Variants in TNFAIP8 observed in about 807,000 individuals in gnomAD.
TNFAIP8 encodes TNF alpha induced protein 8, also known as tumor necrosis factor alpha-induced protein 8.
In TNFAIP8, 7 loss-of-function variants were observed where a neutral mutation model predicts 13.3. That is an observed-to-expected ratio of 0.52 (90% CI 0.30 to 0.99). The LOEUF is 0.99. Among genes scored for constraint, TNFAIP8 ranks in the 50% least tolerant of loss-of-function variants. TNFAIP8 has a pLI of 0.07. For missense variants in TNFAIP8, 258 were observed against 236.9 expected (o/e 1.09, Z -0.58); for synonymous variants, 94 against 87.6 (o/e 1.07, Z -0.41).
intron 1 of TNFAIP8, among the ~76,000 whole-genome samples, chr5:119,359,773 T>A (rs1751565095): frequency 6.6e-6 from 1 of 152,204 alleles, no homozygotes; most frequent in African/African-American, 2.4e-5. Context: ...GCAGAGGGAA[T>A]GAAGAGAAAA....
intron 1 of TNFAIP8, among the ~76,000 whole-genome samples, chr5:119,280,064 T>G (rs1748580797): frequency 6.6e-6 from 1 of 152,152 alleles, no homozygotes; most frequent in Admixed American, 6.5e-5. Context: ...TTGTAAAACA[T>G]AAATATCAAA....
At chr5:119,306,313 T>TC (rs1749556380) in intron 1 of TNFAIP8, 1 of 141,842 alleles carries the variant, frequency 7.1e-6, no homozygotes, top group African/African-American at 3.1e-5. Flanking sequence ...TTTCTTTCTT[T>TC]CTTTCTTTTT....
intron 1 of TNFAIP8, among the ~76,000 whole-genome samples, chr5:119,357,328 C>T (rs187152225): frequency 6.6e-6 from 1 of 152,192 alleles, no homozygotes; most frequent in Admixed American, 6.5e-5. Flanking sequence ...GCTTTCTTGC[C>T]GTGTCCTGTG....
intron 1 of TNFAIP8, among the ~76,000 whole-genome samples, chr5:119,311,688 C>CAAAAAAAAAAAAAAAAAAAA (rs55965350): frequency 2.7e-4 from 18 of 66,658 alleles, no homozygotes; most frequent in African/African-American, 1.1e-3. Flanking sequence ...GACTCCGTCT[C>CAAAAAAAAAAAAAAAAAAAA]AAAAAAAAAA....
intron 1 of TNFAIP8, among the ~76,000 whole-genome samples, chr5:119,375,028 G>A (rs1752231053): frequency 6.6e-6 from 1 of 152,276 alleles, no homozygotes; most frequent in East Asian, 1.9e-4. Context: ...AATGCTTACA[G>A]TGGTGAATTT....
chr5:119,357,050 C>T (rs1751454293), intron 1 of TNFAIP8, among the ~76,000 whole-genome samples: 1 of 152,150 alleles, frequency 6.6e-6, no homozygotes, highest in South Asian at 2.1e-4. Context: ...AGAGGAGCAG[C>T]CCCATCATTT....
At chr5:119,303,910 C>T (rs755517692) in intron 1 of TNFAIP8, among the ~76,000 whole-genome samples, 13 of 152,142 alleles carry the variant, frequency 8.5e-5, no homozygotes, top group Admixed American at 2.0e-4. Context: ...TAAACATACC[C>T]GGTAAGTGAG....
Position 119,395,072 on chromosome 5 carries a change from C to G in TNFAIP8, c.*1691C>G, listed in dbSNP as rs73790856. On this transcript the variant is annotated 3_prime_UTR_variant, in exon 2 of 2. Coordinates refer to ENST00000504771, the MANE Select transcript of TNFAIP8 (RefSeq NM_014350.4). ...TCAGTTTCTCTGACACCCTCATTTG[C>G]TTGGCTAAGACAAGCAGCAAAGGTG... 366 of 152,270 alleles carry G rather than the reference C, an allele frequency of 2.4e-3. 2 individuals are homozygous for G. The highest frequency in any genetic ancestry group is 8.6e-3 in the African/African-American group (356 of 41,546). The allele number at this position is 152,270 out of a possible 1,614,324, so 9.4% of individuals were successfully genotyped here.
chr5:119,387,112 C>A (rs530199014), intron 1 of TNFAIP8, among the ~76,000 whole-genome samples: 1 of 152,104 alleles, frequency 6.6e-6, no homozygotes, highest in Non-Finnish European at 1.5e-5. Flanking sequence ...CTACTCCGAG[C>A]GTTCATTGCT....
chr5:119,326,357 C>T (rs558911005), intron 1 of TNFAIP8, among the ~76,000 whole-genome samples: 1 of 152,304 alleles, frequency 6.6e-6, no homozygotes, highest in South Asian at 2.1e-4. Context: ...TGAAAGGCTC[C>T]ATCTGAGCTG....
intron 1 of TNFAIP8, among the ~76,000 whole-genome samples, chr5:119,384,174 G>A (rs1580446733): frequency 2.6e-5 from 4 of 152,208 alleles, no homozygotes. Context: ...CCTTCCTAGG[G>A]TTGCCGTAAA....
rs567151809 is a variant in TNFAIP8 at position 119,300,443 on chromosome 5, A to G, written c.1+31536A>G. ...TTTAAAAAGTAGACCATCTAAAACA[A>G]ATGTTATTTGTAAAAGCACTGAGTA... On this transcript the variant is annotated intron_variant, in intron 1 of 1. Transcript: ENST00000274456. Among the ~76,000 whole-genome samples the G allele has an allele frequency of 5.3e-5, 8 of 152,282 alleles. No individual in the cohort carries two copies. In the South Asian group the frequency reaches 1.7e-3, roughly 32 times the overall value.
At chr5:119,392,613 A>T (rs534456883) in intron 1 of TNFAIP8, among the ~76,000 whole-genome samples, 1 of 152,182 alleles carries the variant, frequency 6.6e-6, no homozygotes, top group South Asian at 2.1e-4. Context: ...CAGTCTCCCA[A>T]AGTGTTGGGA....
At chr5:119,368,030 C>T (rs527580755) in intron 1 of TNFAIP8, among the ~76,000 whole-genome samples, 1 of 152,246 alleles carries the variant, frequency 6.6e-6, no homozygotes, top group East Asian at 1.9e-4. Flanking sequence ...GTCATCTCCC[C>T]ACTGAGGTAG....
chr5:119,355,942 C>T, upstream of TNFAIP8: 6 of 1,436,274 alleles, frequency 4.2e-6, no homozygotes, highest in African/African-American at 4.4e-5. Context: ...TGCACCAGAA[C>T]CCGCTCTCCC....
rs543738986 is a variant in TNFAIP8, at chr5:119,325,379, ATGG to A, written c.1+56474_1+56476del. On this transcript the variant is annotated intron_variant, in intron 1 of 1. Coordinates refer to the TNFAIP8 transcript ENST00000274456. ...ATATAAACTCCTTACCATGTCCTAT[ATGG>A]TCTACATATTCTGGCCTTTGCCTAA... Among the ~76,000 whole-genome samples the A allele has an allele frequency of 9.3e-4, 141 of 152,322 alleles. 1 individual carries two copies. Among genetic ancestry groups the A allele is most frequent in the Middle Eastern group, 3.4e-3 (1 of 294 alleles).
chr5:119,380,505 C>T (rs1356702728), intron 1 of TNFAIP8, among the ~76,000 whole-genome samples: 1 of 152,236 alleles, frequency 6.6e-6, no homozygotes, highest in East Asian at 1.9e-4. Flanking sequence ...TTATCCTCTA[C>T]ATTCTGGTAG....
rs1039397940 is a variant in TNFAIP8 at position 119,281,624 on chromosome 5, A to G, written c.1+12717A>G. Among the ~76,000 whole-genome samples the G allele has an allele frequency of 3.3e-5, 5 of 152,248 alleles. 1 individual carries two copies. In the East Asian group the frequency reaches 5.8e-4, roughly 18 times the overall value. On this transcript the variant is annotated intron_variant, in intron 1 of 1. Coordinates refer to the TNFAIP8 transcript ENST00000274456. Reference sequence around the variant, plus strand: ...AAAAATAATTTCTTTGGCATATGCCATACTAATTCTTTCCCACCTTAAAAA... The same window carrying G: ...AAAAATAATTTCTTTGGCATATGCCGTACTAATTCTTTCCCACCTTAAAAA...
upstream of TNFAIP8, chr5:119,355,571 A>G (rs1042201894): frequency 1.9e-5 from 11 of 572,308 alleles, no homozygotes; most frequent in Admixed American, 2.9e-4. Flanking sequence ...ACTCCAAGAC[A>G]AAGTCAAATG....
Sources: allele counts gnomAD v4.1 joint callset (sites outside exome capture counted in the v4.1 genomes callset), GRCh38; gene constraint gnomAD v4.1.1; transcripts MANE v1.5; gene names NCBI Gene and HGNC (gene_info 2026-07-23, HGNC 2026-07-21).